Variants in LRMDA observed in about 807,000 individuals in gnomAD.
LRMDA encodes leucine-rich melanocyte differentiation-associated protein.
LRMDA carries 18 observed loss-of-function variants against 29.8 expected under a neutral mutation model. That is an observed-to-expected ratio of 0.60 (90% confidence interval 0.42 to 0.90). The LOEUF is 0.90. Ranked by LOEUF, LRMDA falls within the 40% of genes least tolerant of loss-of-function variation. The probability of loss-of-function intolerance (pLI) is 0.00; values close to 1 mark genes in which losing one functional copy is unlikely to be tolerated. For synonymous variants in LRMDA, 125 were observed against 109.4 expected, an observed-to-expected ratio of 1.14 and a Z score of -0.89; for missense variants, 273 against 273.9, an observed-to-expected ratio of 1.00 and a Z score of 0.02.
chr10:75,536,692 A>G (rs529692513), intron 2 of LRMDA, among the ~76,000 whole-genome samples: 46 of 152,296 alleles, frequency 3.0e-4, no homozygotes, highest in African/African-American at 1.1e-3. Context: ...AGCTGGGGCT[A>G]TAATTCTTAA....
chr10:75,749,908 T>C (rs1269237228), intron 2 of LRMDA, among the ~76,000 whole-genome samples: 1 of 152,310 alleles, frequency 6.6e-6, no homozygotes, highest in East Asian at 1.9e-4. Flanking sequence ...TAACCCTGAG[T>C]GGACACACCA....
chr10:75,467,434 G>GAGA (rs1440098521), intron 2 of LRMDA, among the ~76,000 whole-genome samples: 2 of 152,196 alleles, frequency 1.3e-5, no homozygotes, highest in Non-Finnish European at 2.9e-5. Context: ...TTAGGTGTTT[G>GAGA]AGAAGAAGAA....
At chr10:75,907,252 AGT>A (rs966604870) in intron 2 of LRMDA, among the ~76,000 whole-genome samples, 6 of 152,252 alleles carry the variant, frequency 3.9e-5, no homozygotes, top group Non-Finnish European at 8.8e-5. Flanking sequence ...TTAAAGGTTT[AGT>A]GTATATAAAA....
intron 6 of LRMDA, among the ~76,000 whole-genome samples, chr10:76,412,376 G>C (rs1279389132): frequency 6.6e-6 from 1 of 152,172 alleles, no homozygotes; most frequent in Non-Finnish European, 1.5e-5. Flanking sequence ...TAAGACTTCA[G>C]AAAGGAAGGC....
At chr10:75,671,737 G>T (rs1002924005) in intron 2 of LRMDA, among the ~76,000 whole-genome samples, 4 of 151,152 alleles carry the variant, frequency 2.6e-5, no homozygotes, top group African/African-American at 9.9e-5. Flanking sequence ...GTATACCTAT[G>T]TAACAAACCT....
intron 5 of LRMDA, among the ~76,000 whole-genome samples, chr10:76,291,452 A>G (rs1840339303): frequency 6.6e-6 from 1 of 152,180 alleles, no homozygotes. Flanking sequence ...TGGCTGAATC[A>G]CTAACACCTG....
intron 2 of LRMDA, among the ~76,000 whole-genome samples, chr10:75,941,059 G>A (rs944290861): frequency 6.6e-6 from 1 of 152,176 alleles, no homozygotes; most frequent in Admixed American, 6.5e-5. Flanking sequence ...AAGGCAAAAC[G>A]TAGTTCTGTT....
intron 2 of LRMDA, among the ~76,000 whole-genome samples, chr10:75,668,212 G>A (rs1027013168): frequency 2.0e-5 from 3 of 152,168 alleles, no homozygotes; most frequent in African/African-American, 7.2e-5. Context: ...TTGGTGTTCT[G>A]TTGACCACGT....
At chr10:76,078,700 G>C (rs971867690) in intron 5 of LRMDA, among the ~76,000 whole-genome samples, 1 of 152,154 alleles carries the variant, frequency 6.6e-6, no homozygotes, top group Non-Finnish European at 1.5e-5. Flanking sequence ...GCCGGACATG[G>C]TGGTAGGTGC....
intron 5 of LRMDA, among the ~76,000 whole-genome samples, chr10:76,228,149 G>A (rs1851995191): frequency 6.6e-6 from 1 of 151,852 alleles, no homozygotes; most frequent in Non-Finnish European, 1.5e-5. Flanking sequence ...AGCCTCCCGA[G>A]TAGCTGGGAC....
At chr10:75,746,730 G>C (rs747740908) in intron 2 of LRMDA, among the ~76,000 whole-genome samples, 1 of 152,118 alleles carries the variant, frequency 6.6e-6, no homozygotes, top group African/African-American at 2.4e-5. Flanking sequence ...CTATTTTTGG[G>C]GGGGGAGCTT....
chr10:75,897,968 C>A (rs951009983), intron 2 of LRMDA, among the ~76,000 whole-genome samples: 13 of 151,804 alleles, frequency 8.6e-5, no homozygotes, highest in Non-Finnish European at 2.9e-5. Flanking sequence ...ATTACAGGCA[C>A]CCACCACCAC....
chr10:76,157,532 T>C (rs936601958), intron 5 of LRMDA, among the ~76,000 whole-genome samples: 8 of 152,048 alleles, frequency 5.3e-5, no homozygotes, highest in Non-Finnish European at 1.0e-4. Flanking sequence ...GAAGATTGCT[T>C]GAGCCCAGGA....
At chr10:76,098,549 T>C (rs1849348642) in intron 5 of LRMDA, among the ~76,000 whole-genome samples, 1 of 152,230 alleles carries the variant, frequency 6.6e-6, no homozygotes. Flanking sequence ...CTTTCATTGC[T>C]GATATTGACA....
intron 2 of LRMDA, among the ~76,000 whole-genome samples, chr10:75,531,058 AG>A (rs1190691337): frequency 6.6e-5 from 10 of 152,182 alleles, no homozygotes; most frequent in African/African-American, 2.2e-4. Context: ...ATAGAGGCTA[AG>A]CAAGGTCTGC....
chr10:75,887,108 C>T (rs534532938), intron 2 of LRMDA, among the ~76,000 whole-genome samples: 8 of 150,652 alleles, frequency 5.3e-5, no homozygotes, highest in East Asian at 1.9e-4. Flanking sequence ...ACACAGGGAA[C>T]GAAGAGGTGA....
chr10:75,731,477 T>C (rs1330354409), intron 2 of LRMDA, among the ~76,000 whole-genome samples: 1 of 152,260 alleles, frequency 6.6e-6, no homozygotes, highest in African/African-American at 2.4e-5. Context: ...CATCACTATA[T>C]GCCCAGTGCT....
At chr10:76,150,168 C>G (rs16932902) in intron 5 of LRMDA, among the ~76,000 whole-genome samples, 2 of 152,300 alleles carry the variant, frequency 1.3e-5, no homozygotes, top group African/African-American at 4.8e-5. Context: ...AAAGCCCCTC[C>G]GCGCTACACA....
At chr10:75,822,366 TATA>T (rs1844176756) in intron 2 of LRMDA, among the ~76,000 whole-genome samples, 1 of 152,230 alleles carries the variant, frequency 6.6e-6, no homozygotes, top group South Asian at 2.1e-4. Context: ...GAAGAATCAA[TATA>T]ATTAAAATTA....
Sources: allele counts gnomAD v4.1 joint callset (sites outside exome capture counted in the v4.1 genomes callset), GRCh38; gene constraint gnomAD v4.1.1; transcripts MANE v1.5; gene names NCBI Gene and HGNC (gene_info 2026-07-23, HGNC 2026-07-21).